PGM1: variants seen among roughly 807,000 people sequenced by gnomAD.
The protein encoded by PGM1 is phosphoglucomutase-1.
In PGM1, 52 loss-of-function variants were observed where a neutral mutation model predicts 55.6. That is an observed-to-expected ratio of 0.94 (90% CI 0.75 to 1.18). The LOEUF is 1.18. Ranked by LOEUF, PGM1 falls within the 50% of genes most tolerant of loss-of-function variation. The probability of loss-of-function intolerance (pLI) is 0.00; values close to 1 mark genes in which losing one functional copy is unlikely to be tolerated. For missense variants in PGM1, 724 were observed against 729.3 expected, an observed-to-expected ratio of 0.99 and a Z score of 0.08; for synonymous variants, 287 against 271.7, an observed-to-expected ratio of 1.06 and a Z score of -0.55.
chr1:63,629,490 A>T lies in PGM1; in HGVS notation c.312A>T (p.Arg104Ser), dbSNP rs770501426. ...CCCCTGCTGTATCCTGCATCATTAG[A>T]AAAATCAAAGCCATTGGTGGGATCA... ...LSTPAVSCII[R>S]KIKAIGGIIL... The change falls in exon 2 of 11, where the codon AGA becomes AGT. Residue 104 changes from arginine (R) to serine (S), a missense_variant. Around this residue, in one of 3 missense-constraint regions of PGM1, gnomAD observed 379 missense variants for 357.5 expected, o/e 1.06. Transcript: ENST00000371084. The T allele has an allele frequency of 1.9e-6, 3 of 1,613,904 alleles. No homozygotes were observed. In the African/African-American group the frequency reaches 4.0e-5, roughly 22 times the overall value.
At chr1:63,639,514 G>A (rs1429164930) in intron 7 of PGM1, among the ~76,000 whole-genome samples, 7 of 151,856 alleles carry the variant, frequency 4.6e-5, no homozygotes, top group Admixed American at 1.3e-4. Flanking sequence ...ACCTCATGCT[G>A]CCTGTATCAG....
At chr1:63,620,317 G>A (rs1648848777) in intron 1 of PGM1, among the ~76,000 whole-genome samples, 1 of 152,142 alleles carries the variant, frequency 6.6e-6, no homozygotes, top group South Asian at 2.1e-4. Flanking sequence ...CACTCTTGGG[G>A]ACAAACACTT....
At chr1:63,618,151 G>A (rs1171529123) in intron 1 of PGM1, among the ~76,000 whole-genome samples, 1 of 152,188 alleles carries the variant, frequency 6.6e-6, no homozygotes, top group Admixed American at 6.5e-5. Flanking sequence ...TGACAGATGA[G>A]GAAATGGAAG....
In PGM1 at chr1:63,654,368, G is replaced by A. The variant is rs6676290; in HGVS notation, c.1501G>A (p.Val501Ile). Reference protein sequence around the residue: ...RLIFTDGSRIVFRLSGTGSAG... With the variant: ...RLIFTDGSRIIFRLSGTGSAG... ...CATTTTCACAGATGGTTCTCGAATCGTCTTCCGACTGAGCGGCACTGGGAG... is the reference window on the plus strand; with the variant it reads ...CATTTTCACAGATGGTTCTCGAATCATCTTCCGACTGAGCGGCACTGGGAG... The change falls in exon 10 of 11, where the codon GTC becomes ATC. Residue 501 changes from valine to isoleucine, a missense_variant. By Grantham distance (29) the Val-to-Ile change is conservative. Transcript: ENST00000371084. The A allele has an allele frequency of 8.8e-3, 14,131 of 1,613,858 alleles. 1,051 individuals are homozygous for A. In the African/African-American group the frequency reaches 0.16, roughly 19 times the overall value.
intron 1 of PGM1, among the ~76,000 whole-genome samples, chr1:63,613,749 C>A (rs1465147125): frequency 1.5e-5 from 2 of 137,310 alleles, no homozygotes; most frequent in East Asian, 4.4e-4. Flanking sequence ...GTGCACCATT[C>A]AACCATGACA....
intron 10 of PGM1, among the ~76,000 whole-genome samples, chr1:63,656,271 A>G (rs1375869170): frequency 6.6e-6 from 1 of 152,204 alleles, no homozygotes; most frequent in Admixed American, 6.5e-5. Flanking sequence ...TCAAAAAGAC[A>G]AAAGATAACA....
chr1:63,642,826 T>C (rs1028277727), intron 7 of PGM1, among the ~76,000 whole-genome samples: 4 of 152,236 alleles, frequency 2.6e-5, no homozygotes, highest in African/African-American at 9.6e-5. Flanking sequence ...TTTTAATTTT[T>C]AGTTTCATAT....
At chr1:63,611,435 C>A (rs531118945) in intron 1 of PGM1, among the ~76,000 whole-genome samples, 6 of 152,222 alleles carry the variant, frequency 3.9e-5, no homozygotes, top group African/African-American at 1.2e-4. Flanking sequence ...GGGAGGCCGC[C>A]GGTGACTCAG....
chr1:63,648,663 G>A lies in PGM1; in HGVS notation c.1280+11G>A. The A allele has an allele frequency of 2.5e-6, 4 of 1,613,546 alleles. No homozygotes were observed. Among genetic ancestry groups the A allele is most frequent in the Non-Finnish European group, 3.4e-6 (4 of 1,179,924 alleles). On this transcript the variant is annotated intron_variant, in intron 8 of 10. Transcript: ENST00000371084. ...GAATTTCTTCACCAGGTGAGCCACA[G>A]CCCAGCTGGGGTACAAGGTAAGGTG...
chr1:63,613,836 C>T (rs948812267), intron 1 of PGM1, among the ~76,000 whole-genome samples: 4 of 151,838 alleles, frequency 2.6e-5, no homozygotes, highest in African/African-American at 9.7e-5. Flanking sequence ...TGGGCAGTAG[C>T]CCTTTGGGAG....
intron 8 of PGM1, 121 bp downstream of exon 8, chr1:63,648,773 T>A: frequency 9.6e-7 from 1 of 1,043,710 alleles, no homozygotes; most frequent in South Asian, 1.3e-5. Context: ...CCAGCCTCTC[T>A]CAATTGGAGA....
chr1:63,595,379 G>A (rs1269463445), intron 1 of PGM1, among the ~76,000 whole-genome samples: 1 of 152,170 alleles, frequency 6.6e-6, no homozygotes, highest in Non-Finnish European at 1.5e-5. Flanking sequence ...CCAAGAACTT[G>A]AACAGCTCCT....
chr1:63,632,090 G>T (rs1649211970), intron 4 of PGM1, among the ~76,000 whole-genome samples: 1 of 151,798 alleles, frequency 6.6e-6, no homozygotes, highest in Admixed American at 6.6e-5. Context: ...TTACATTCTT[G>T]CTGCATGCCC....
chr1:63,636,107 T>G, intron 5 of PGM1, 127 bp from the exon 6 acceptor site: 1 of 907,726 alleles, frequency 1.1e-6, no homozygotes, highest in Admixed American at 2.0e-5. Flanking sequence ...GTGTTAAAAA[T>G]GCAGTATGGA....
At position 63,594,960 on chromosome 1, in the gene PGM1, C is replaced by CAA. The variant is rs56084088; in HGVS notation, c.246+1240_246+1241dup. Among the ~76,000 whole-genome samples the CAA allele has an allele frequency of 9.7e-5, 9 of 93,118 alleles. 1 individual carries two copies. Among genetic ancestry groups the CAA allele is most frequent in the Admixed American group, 2.4e-4 (2 of 8,450 alleles). 61.1% of individuals were successfully genotyped at this position (93,118 alleles called of 152,430 possible). On this transcript the variant is annotated intron_variant, in intron 1 of 10. Coordinates refer to ENST00000371084, the MANE Select transcript of PGM1 (RefSeq NM_002633.3). ...TCGGCGACAGAGCGAGACTCCGTCT[C>CAA]AAAAAAAAAAAAAAAGAAAAAAAAA...
chr1:63,596,205 G>A (rs1648061714), intron 1 of PGM1, among the ~76,000 whole-genome samples: 1 of 150,002 alleles, frequency 6.7e-6, no homozygotes, highest in African/African-American at 2.5e-5. Context: ...GCTGCACATT[G>A]ACTATCCCCT....
At chr1:63,617,261 G>A (rs1648761514) in intron 1 of PGM1, among the ~76,000 whole-genome samples, 1 of 152,198 alleles carries the variant, frequency 6.6e-6, no homozygotes, top group Admixed American at 6.5e-5. Flanking sequence ...CTGGCTCACA[G>A]CTGGCAAACA....
At chr1:63,639,089 A>G (rs192711973) in intron 7 of PGM1, among the ~76,000 whole-genome samples, 1 of 152,318 alleles carries the variant, frequency 6.6e-6, no homozygotes, top group Non-Finnish European at 1.5e-5. Flanking sequence ...ACAGAGCGAT[A>G]AACAGATTTT....
At chr1:63,646,051 G>C (rs1388644411) in intron 7 of PGM1, among the ~76,000 whole-genome samples, 1 of 152,122 alleles carries the variant, frequency 6.6e-6, no homozygotes, top group Non-Finnish European at 1.5e-5. Flanking sequence ...GACTGCCTAG[G>C]GAAGTTGGGA....
Sources: allele counts gnomAD v4.1 joint callset (sites outside exome capture counted in the v4.1 genomes callset), GRCh38; gene constraint gnomAD v4.1.1; regional missense constraint gnomAD v4.1.1; transcripts MANE v1.5; gene names NCBI Gene and HGNC (gene_info 2026-07-23, HGNC 2026-07-21).